Variants in DAB1 observed in about 807,000 individuals in gnomAD.
The protein encoded by DAB1 is DAB adaptor protein 1.
A neutral mutation model predicts 64.6 loss-of-function variants in DAB1; 15 were observed. The observed-to-expected ratio is 0.23, with a 90% CI of 0.16 to 0.36. The LOEUF is 0.36. DAB1 is among the 10% of genes least tolerant of loss of function. The pLI is 1.00. For missense variants in DAB1, 596 were observed against 706.7 expected, an observed-to-expected ratio of 0.84 and a Z score of 1.78; for synonymous variants, 235 against 251.9, an observed-to-expected ratio of 0.93 and a Z score of 0.64.
At chr1:57,544,844 C>T (rs1318710161) in intron 7 of DAB1, among the ~76,000 whole-genome samples, 2 of 152,218 alleles carry the variant, frequency 1.3e-5, no homozygotes, top group East Asian at 3.9e-4. Context: ...GTGTTTGCTT[C>T]CCTTTCCACC....
intron 2 of DAB1, among the ~76,000 whole-genome samples, chr1:57,165,195 A>G (rs1661110411): frequency 6.6e-6 from 1 of 152,206 alleles, no homozygotes; most frequent in African/African-American, 2.4e-5. Context: ...GTAACAGCCA[A>G]TTATCTCCTA....
At chr1:57,273,612 T>C (rs12039421) in intron 2 of DAB1, among the ~76,000 whole-genome samples, 74 of 91,708 alleles carry the variant, frequency 8.1e-4, no homozygotes, top group South Asian at 1.3e-3. Context: ...CCTTCCTTCC[T>C]TCCCTCCCTC....
At chr1:57,652,180 C>T (rs1175915373) in intron 6 of DAB1, among the ~76,000 whole-genome samples, 1 of 152,204 alleles carries the variant, frequency 6.6e-6, no homozygotes, top group Non-Finnish European at 1.5e-5. Context: ...ATCACTATTG[C>T]AGAACCTAAG....
chr1:57,437,814 C>T (rs184530768), intron 7 of DAB1, among the ~76,000 whole-genome samples: 1 of 152,194 alleles, frequency 6.6e-6, no homozygotes, highest in African/African-American at 2.4e-5. Flanking sequence ...CTATCCATGC[C>T]CCCAGTATGT....
At chr1:57,756,674 T>TAA (rs35807001) in intron 6 of DAB1, among the ~76,000 whole-genome samples, 2 of 141,084 alleles carry the variant, frequency 1.4e-5, no homozygotes, top group African/African-American at 5.2e-5. Context: ...CTGCAGGCAA[T>TAA]AAAAAAAAAA....
intron 7 of DAB1, among the ~76,000 whole-genome samples, chr1:57,449,103 A>G (rs1254600835): frequency 2.0e-5 from 3 of 152,116 alleles, no homozygotes; most frequent in Non-Finnish European, 4.4e-5. Flanking sequence ...AAGAGGCACA[A>G]CTTGCCCCTG....
chr1:57,900,865 T>C (rs1644462105), intron 5 of DAB1, among the ~76,000 whole-genome samples: 1 of 152,136 alleles, frequency 6.6e-6, no homozygotes, highest in Non-Finnish European at 1.5e-5. Flanking sequence ...ACTGATTCTA[T>C]GGGGGCAGGG....
intron 3 of DAB1, among the ~76,000 whole-genome samples, chr1:58,464,405 G>T (rs1645274478): frequency 6.6e-6 from 1 of 152,154 alleles, no homozygotes; most frequent in Non-Finnish European, 1.5e-5. Flanking sequence ...GGAATGAAGT[G>T]GGATCGTGTC....
chr1:58,481,909 CA>C (rs1645491157), intron 3 of DAB1, among the ~76,000 whole-genome samples: 1 of 152,174 alleles, frequency 6.6e-6, no homozygotes, highest in Admixed American at 6.5e-5. Context: ...AACTGTAAGT[CA>C]ATTAAACCTC....
intron 4 of DAB1, among the ~76,000 whole-genome samples, chr1:58,316,484 A>C (rs1193849942): frequency 6.6e-6 from 1 of 152,202 alleles, no homozygotes; most frequent in Non-Finnish European, 1.5e-5. Context: ...CATAGTGAAT[A>C]GACCTCAGTC....
chr1:57,487,896 C>T (rs1644112031), intron 7 of DAB1, among the ~76,000 whole-genome samples: 1 of 152,186 alleles, frequency 6.6e-6, no homozygotes, highest in Non-Finnish European at 1.5e-5. Flanking sequence ...TGTAGTTAAC[C>T]ATTACCAAAC....
At chr1:58,237,813 G>T (rs1306662123) in intron 4 of DAB1, among the ~76,000 whole-genome samples, 2 of 152,200 alleles carry the variant, frequency 1.3e-5, no homozygotes, top group Admixed American at 1.3e-4. Flanking sequence ...CACTTTACAT[G>T]TTAGCCCAGA....
chr1:58,495,359 T>G (rs1245089936), intron 3 of DAB1, among the ~76,000 whole-genome samples: 1 of 152,106 alleles, frequency 6.6e-6, no homozygotes, highest in East Asian at 1.9e-4. Flanking sequence ...ACATGGCACA[T>G]GTATATATAT....
intron 6 of DAB1, among the ~76,000 whole-genome samples, chr1:57,815,180 T>G (rs1651798514): frequency 6.6e-6 from 1 of 152,156 alleles, no homozygotes; most frequent in Non-Finnish European, 1.5e-5. Flanking sequence ...CACACCATTC[T>G]GCCTCAGCCT....
Position 57,289,105 on chromosome 1 carries a change from G to GT in DAB1, c.67+1858dup, listed in dbSNP as rs1414887377. On this transcript the variant is annotated intron_variant, in intron 2 of 14. Transcript: ENST00000371236. Reference sequence around the variant, plus strand: ...ACATATGTATTATGTTGATTTCAGAGTTTTTTTAGGACATGAAGATGAGGA... The same window carrying GT: ...ACATATGTATTATGTTGATTTCAGAGTTTTTTTTAGGACATGAAGATGAGGA... Among the ~76,000 whole-genome samples, 85 of 152,074 alleles carry GT rather than the reference G, an allele frequency of 5.6e-4. 1 individual carries two copies. Among genetic ancestry groups the GT allele is most frequent in the Admixed American group, 5.5e-3 (84 of 15,266 alleles).
intron 3 of DAB1, among the ~76,000 whole-genome samples, chr1:58,355,975 G>A (rs1454297034): frequency 6.6e-6 from 1 of 152,132 alleles, no homozygotes; most frequent in Admixed American, 6.5e-5. Context: ...CTTAGGTGGA[G>A]GACCACTCAT....
Position 57,493,762 on chromosome 1 carries a change from GCTCA to G in DAB1, n.625+155826_625+155829del, listed in dbSNP as rs1644195106. Among the ~76,000 whole-genome samples, 5 of 150,200 alleles carry G rather than the reference GCTCA, an allele frequency of 3.3e-5. No individual in the cohort carries two copies. In the South Asian group the frequency reaches 1.0e-3, roughly 32 times the overall value. ...AGGGAGGCAGGCTGACGTATTCACA[GCTCA>G]CACACACACACACACACACACACAT... On this transcript the variant is annotated intron_variant and non_coding_transcript_variant, in intron 7 of 20. Transcript: ENST00000485760.
chr1:58,374,895 C>A lies in DAB1; in HGVS notation n.258-31492G>T, dbSNP rs1336618110. 2.9e-5 allele frequency among the ~76,000 whole-genome samples: 4 copies of A among 138,196 alleles called. 1 individual carries two copies. Among genetic ancestry groups the A allele is most frequent in the Admixed American group, 2.9e-4 (4 of 13,926 alleles). 90.7% of individuals were successfully genotyped at this position (138,196 alleles called of 152,430 possible). A position where few individuals can be genotyped will look rare whatever the true frequency, so the allele number is the denominator to read the frequency against. On this transcript the variant is annotated intron_variant and non_coding_transcript_variant, in intron 3 of 20. Coordinates refer to the DAB1 transcript ENST00000485760. ...TAGTTCTCCTTGAAGAGGTCCTTCA[C>A]ATCCCTTGTAAGTTGGATTCCTAGC...
chr1:58,258,446 A>G (rs1389291813), intron 4 of DAB1, among the ~76,000 whole-genome samples: 1 of 152,220 alleles, frequency 6.6e-6, no homozygotes, highest in Non-Finnish European at 1.5e-5. Context: ...GGCACAGACG[A>G]AATGAGGGTT....
Sources: allele counts gnomAD v4.1 joint callset (sites outside exome capture counted in the v4.1 genomes callset), GRCh38; gene constraint gnomAD v4.1.1; transcripts MANE v1.5; gene names NCBI Gene and HGNC (gene_info 2026-07-23, HGNC 2026-07-21).